The following PRKAG1 variants were observed in gnomAD, a reference collection of about 807,000 sequenced individuals.
PRKAG1 encodes protein kinase AMP-activated non-catalytic subunit gamma 1.
Under a neutral mutation model 48.2 loss-of-function variants are expected in PRKAG1, and 27 were observed. The observed-to-expected ratio is 0.56, with a 90% CI of 0.41 to 0.77. PRKAG1 has a LOEUF of 0.77. PRKAG1 is among the 30% of genes least tolerant of loss of function. The pLI, the probability that PRKAG1 is intolerant of heterozygous loss-of-function variation, is 0.00. For synonymous variants in PRKAG1, 130 were observed against 147.7 expected (o/e 0.88, Z 0.87); for missense variants, 287 against 398.3 (o/e 0.72, Z 2.38).
At chr12:49,018,355 G>T in intron 1 of PRKAG1, 1 of 824,280 alleles carries the variant, frequency 1.2e-6, no homozygotes, top group South Asian at 4.3e-5. Context: ...GATCCCTCTG[G>T]ACGCCCCGTG....
At position 49,003,615 on chromosome 12, in the gene PRKAG1, T is replaced by C; in HGVS notation, c.704-20A>G. ...CACGCCCTAGGGGGACAGAGGCAGC[T>C]CAGTAAGGAGGATCTGGGATCTAAA... On this transcript the variant is annotated intron_variant, in intron 9 of 11. Coordinates refer to ENST00000548065, the MANE Select transcript of PRKAG1 (RefSeq NM_002733.5). 6.2e-7 allele frequency: 1 copy of C among 1,608,696 alleles called. No homozygotes were observed. The highest frequency in any genetic ancestry group is 8.5e-7 in the Non-Finnish European group (1 of 1,176,966).
rs554711115 is a variant in PRKAG1, at chr12:49,005,459, T to C, written c.250+3A>G. On this transcript the variant is annotated splice_donor_region_variant and intron_variant, in intron 4 of 11. Transcript: ENST00000548065. The surrounding 1 kb of genome is among the most constrained non-coding windows in gnomAD (Gnocchi z 4.1). ...ATATTGTGTTCCAGAAACTTTTGCT[T>C]ACCCACAAAACTTTGCTTCTTACTA... is the stretch of plus-strand genomic sequence containing the variant. 20 of 1,614,046 alleles carry C rather than the reference T, an allele frequency of 1.2e-5. No individual in the cohort carries two copies. In the East Asian group the frequency reaches 4.0e-4, roughly 32 times the overall value.
chr12:49,012,176 A>G (rs2137675002), intron 2 of PRKAG1, among the ~76,000 whole-genome samples: 1 of 151,992 alleles, frequency 6.6e-6, no homozygotes, highest in African/African-American at 2.4e-5. Flanking sequence ...CCTTCTTTTC[A>G]TATGTAGTTC....
At chr12:49,016,110 G>T (rs971481737) in intron 1 of PRKAG1, among the ~76,000 whole-genome samples, 1 of 151,900 alleles carries the variant, frequency 6.6e-6, no homozygotes. Flanking sequence ...GCTACTTTTT[G>T]TATTTTTTTG....
Position 49,005,188 on chromosome 12 carries a change from T to G in PRKAG1, c.310-23A>C, listed in dbSNP as rs1312505994. 1.2e-6 allele frequency: 2 copies of G among 1,614,090 alleles called. No homozygotes were observed. The highest frequency in any genetic ancestry group is 2.2e-5 in the South Asian group (2 of 91,072). ...TACCTGAAAGCAGAAGCAACAGAAT[T>G]TGAGACCTGATCTCTCTGCTTCCTT... On this transcript the variant is annotated intron_variant, in intron 5 of 11. Transcript: ENST00000548065. This position sits in a 1 kb window ranked among gnomAD's most constrained non-coding sequence, Gnocchi z 4.1.
Position 49,018,562 on chromosome 12 carries a change from C to A in PRKAG1, c.9+170G>T, listed in dbSNP as rs1266127134. ...GGACGCGGCCCAGTTCCAGGAGATG[C>A]GCCCAACGAAGAAGCGGAGGAACAG... On this transcript the variant is annotated intron_variant, in intron 1 of 11. Transcript: ENST00000548065. 7 of 1,472,958 alleles carry A rather than the reference C, an allele frequency of 4.8e-6. No individual in the cohort carries two copies. In the Admixed American group the frequency reaches 1.7e-4, roughly 36 times the overall value. 91.2% of individuals were successfully genotyped at this position (1,472,958 alleles called of 1,614,324 possible). A position where few individuals can be genotyped will look rare whatever the true frequency, so the allele number is the denominator to read the frequency against.
chr12:49,002,558 A>T lies in PRKAG1; in HGVS notation c.*341T>A. ...TAGGGTTGAATCAGGGCCAAGATGG[A>T]GGCAGAGGCAAGTGAGGTCTGGGGA... On this transcript the variant is annotated 3_prime_UTR_variant, in exon 12 of 12. Transcript: ENST00000548065. The T allele has an allele frequency of 2.5e-6, 1 of 406,584 alleles. No individual in the cohort carries two copies. Among genetic ancestry groups the T allele is most frequent in the Non-Finnish European group, 4.7e-6 (1 of 214,840 alleles). The allele number at this position is 406,584 out of a possible 1,614,324, so 25.2% of individuals were successfully genotyped here.
At position 49,005,743 on chromosome 12, in the gene PRKAG1, C is replaced by T. The variant is rs775414575; in HGVS notation, c.168G>A (p.Gln56=). Residue 56 remains glutamine, a splice_region_variant and synonymous_variant, in exon 3 of 12, where the codon CAG becomes CAA. Transcript: ENST00000548065. The surrounding 1 kb of genome is among the most constrained non-coding windows in gnomAD (Gnocchi z 4.1). Reference sequence around the variant, plus strand: ...GAAGGGAAAAGAGGATTTCACCCACCTGCAGGGACGTATCAAATACAACCA... The same window carrying T: ...GAAGGGAAAAGAGGATTTCACCCACTTGCAGGGACGTATCAAATACAACCA... ...SKLVVFDTSL[Q]VKKAFFALVT... 1 of 1,613,134 alleles carries T rather than the reference C, an allele frequency of 6.2e-7. No individual in the cohort carries two copies. Among genetic ancestry groups the T allele is most frequent in the African/African-American group, 1.3e-5 (1 of 74,884 alleles).
intron 2 of PRKAG1, among the ~76,000 whole-genome samples, chr12:49,010,480 C>T (rs1941711384): frequency 1.3e-5 from 2 of 152,220 alleles, no homozygotes; most frequent in African/African-American, 4.8e-5. Context: ...GTATAGTTCA[C>T]TACATGCTCC....
At chr12:49,003,478 A>T in intron 10 of PRKAG1, 80 bp downstream of exon 10, 105 of 1,336,070 alleles carry the variant, frequency 7.9e-5, no homozygotes, top group Non-Finnish European at 1.0e-4. Flanking sequence ...CACAGAAGAG[A>T]CTCCCTTCTC....
At chr12:49,010,544 T>A (rs1941713554) in intron 2 of PRKAG1, among the ~76,000 whole-genome samples, 3 of 152,170 alleles carry the variant, frequency 2.0e-5, no homozygotes, top group Admixed American at 2.0e-4. Context: ...CTTGCCAGAT[T>A]TCCAGTCTCT....
At chr12:49,010,131 C>A (rs2137669692) in intron 2 of PRKAG1, among the ~76,000 whole-genome samples, 1 of 151,916 alleles carries the variant, frequency 6.6e-6, no homozygotes, top group East Asian at 1.9e-4. Context: ...CAGAGTAAAA[C>A]AAAGGTACAT....
At chr12:49,017,105 G>GC (rs756965180) in intron 1 of PRKAG1, 1 of 455,298 alleles carries the variant, frequency 2.2e-6, no homozygotes, top group Non-Finnish European at 4.4e-6. Flanking sequence ...ATTGATGACA[G>GC]CATTTATTAT....
chr12:49,007,493 TA>T (rs1941589962), intron 2 of PRKAG1, among the ~76,000 whole-genome samples: 6 of 152,200 alleles, frequency 3.9e-5, no homozygotes. Flanking sequence ...TTTTAATATT[TA>T]TTTTTTTAAC....
intron 1 of PRKAG1, 100 bp downstream of exon 1, chr12:49,018,632 A>ACAC: frequency 6.3e-7 from 1 of 1,592,658 alleles, no homozygotes; most frequent in Non-Finnish European, 8.5e-7. Flanking sequence ...TGTTTGCTAG[A>ACAC]CACCAGCGCC....
chr12:49,004,884 TC>T, intron 7 of PRKAG1, 79 bp downstream of exon 7: 1 of 1,447,024 alleles, frequency 6.9e-7, no homozygotes, highest in East Asian at 2.3e-5. Context: ...TCTTCCCCTT[TC>T]CCTGGGTGTC....
intron 2 of PRKAG1, among the ~76,000 whole-genome samples, chr12:49,007,906 C>T (rs563706811): frequency 6.7e-6 from 1 of 148,784 alleles, no homozygotes; most frequent in East Asian, 2.0e-4. Flanking sequence ...GTCACCCAGG[C>T]TGAAGTGCAG....
At position 49,005,500 on chromosome 12, in the gene PRKAG1, G is replaced by T. The variant is rs914023317; in HGVS notation, c.212C>A (p.Ala71Asp). The change falls in exon 4 of 12, where the codon GCT becomes GAT. Residue 71 changes from alanine to aspartate, a missense_variant. Physicochemically the swap from Ala to Asp is moderately radical, Grantham distance 126. Transcript: ENST00000548065. The surrounding 1 kb of genome is among the most constrained non-coding windows in gnomAD (Gnocchi z 4.1). ...CTTCTTACTATCCCATAAAGGGGCA[G>T]CTCGTACACCGTTAGTCACCAAAGC... ...FFALVTNGVR[A>D]APLWDSKKQS... The T allele has an allele frequency of 7.4e-6, 12 of 1,614,056 alleles. No homozygotes were observed. Among genetic ancestry groups the T allele is most frequent in the Non-Finnish European group, 1.0e-5 (12 of 1,180,046 alleles).
chr12:49,012,353 G>C (rs543831508), intron 2 of PRKAG1, among the ~76,000 whole-genome samples: 2 of 151,924 alleles, frequency 1.3e-5, no homozygotes, highest in South Asian at 2.1e-4. Context: ...TTAGTTCTAA[G>C]AGCCTTTTCC....
Sources: allele counts gnomAD v4.1 joint callset (sites outside exome capture counted in the v4.1 genomes callset), GRCh38; gene constraint gnomAD v4.1.1; non-coding constraint Gnocchi (gnomAD v3.1); transcripts MANE v1.5; gene names NCBI Gene and HGNC (gene_info 2026-07-23, HGNC 2026-07-21).